PEBP4: variants seen among roughly 807,000 people sequenced by gnomAD.
The protein encoded by PEBP4 is phosphatidylethanolamine-binding protein 4.
A neutral mutation model predicts 23.9 loss-of-function variants in PEBP4; 22 were observed. That is an observed-to-expected ratio of 0.92 (90% confidence interval 0.66 to 1.31). The LOEUF (loss-of-function observed/expected upper bound fraction) is 1.31, where lower values mean the gene tolerates loss of function less well. Ranked by LOEUF, PEBP4 falls within the 40% of genes most tolerant of loss-of-function variation. PEBP4 has a pLI of 0.00. For missense variants in PEBP4, 324 were observed against 281.7 expected (o/e 1.15, Z -1.07); for synonymous variants, 112 against 99.3 (o/e 1.13, Z -0.76).
intron 4 of PEBP4, among the ~76,000 whole-genome samples, chr8:22,783,069 C>A (rs1402074589): frequency 6.6e-6 from 1 of 152,224 alleles, no homozygotes; most frequent in African/African-American, 2.4e-5. Context: ...AAGCTGCACA[C>A]CTGGCTGGGT....
At chr8:22,817,540 C>A in intron 4 of PEBP4, 97 bp downstream of exon 4, 1 of 1,194,298 alleles carries the variant, frequency 8.4e-7, no homozygotes, top group Non-Finnish European at 1.2e-6. Context: ...GAAGTCCTCG[C>A]TCCAACCTTC....
At chr8:22,934,165 T>C (rs1203309511) in intron 1 of PEBP4, among the ~76,000 whole-genome samples, 11 of 152,286 alleles carry the variant, frequency 7.2e-5, no homozygotes, top group East Asian at 1.9e-4. Context: ...ACCTCCAATA[T>C]TGGGGATCAA....
At chr8:22,818,428 A>C (rs2128762000) in intron 3 of PEBP4, among the ~76,000 whole-genome samples, 1 of 152,300 alleles carries the variant, frequency 6.6e-6, no homozygotes, top group Middle Eastern at 3.4e-3. Context: ...AGCTGCTATG[A>C]AGGTCTTCAG....
At chr8:22,778,429 G>T (rs959881755) in intron 4 of PEBP4, among the ~76,000 whole-genome samples, 12 of 149,636 alleles carry the variant, frequency 8.0e-5, no homozygotes, top group Non-Finnish European at 1.3e-4. Flanking sequence ...TTGTTGCCCC[G>T]GCTGGAGTGC....
In PEBP4 at chr8:22,926,266, G is replaced by A. The variant is rs971095233; in HGVS notation, c.131+1318C>T. On this transcript the variant is annotated intron_variant, in intron 2 of 6. Coordinates refer to ENST00000256404, the MANE Select transcript of PEBP4 (RefSeq NM_144962.3). ...CTTGGGATTACAGGTGTGAGCCACC[G>A]TGCCCAGCCTACACCCAGAACTATT... is the stretch of plus-strand genomic sequence containing the variant. Among the ~76,000 whole-genome samples, 4 of 151,648 alleles carry A rather than the reference G, an allele frequency of 2.6e-5. No individual in the cohort carries two copies. In the East Asian group the frequency reaches 5.8e-4, roughly 22 times the overall value.
intron 4 of PEBP4, among the ~76,000 whole-genome samples, chr8:22,783,112 G>A (rs147790753): frequency 0.012 from 1,901 of 152,352 alleles, 39 homozygotes; most frequent in African/African-American, 0.042. Flanking sequence ...GGGTACATGG[G>A]CCAGGTCTTG....
intron 3 of PEBP4, among the ~76,000 whole-genome samples, chr8:22,911,624 A>G (rs1280554585): frequency 3.3e-5 from 5 of 152,238 alleles, no homozygotes; most frequent in African/African-American, 1.2e-4. Flanking sequence ...AAGTCCCTGT[A>G]GCATTCAAAA....
At chr8:22,927,753 C>T (rs1809380213) in intron 1 of PEBP4, 33 bp from the exon 2 acceptor site, 1 of 1,612,174 alleles carries the variant, frequency 6.2e-7, no homozygotes, top group Non-Finnish European at 8.5e-7. Flanking sequence ...GCGGCTGGAT[C>T]CCCTGCAGGG....
At chr8:22,731,713 C>T (rs1271367327) in intron 4 of PEBP4, among the ~76,000 whole-genome samples, 1 of 151,884 alleles carries the variant, frequency 6.6e-6, no homozygotes, top group Non-Finnish European at 1.5e-5. Context: ...GGCTGGAGTG[C>T]AGTGGCACGA....
At chr8:22,779,493 C>T (rs895107041) in intron 4 of PEBP4, among the ~76,000 whole-genome samples, 2 of 151,958 alleles carry the variant, frequency 1.3e-5, no homozygotes, top group African/African-American at 4.8e-5. Flanking sequence ...GCATCTGGGT[C>T]CCAGGTCACA....
intron 4 of PEBP4, among the ~76,000 whole-genome samples, chr8:22,759,604 C>G (rs1295198589): frequency 4.6e-5 from 7 of 152,132 alleles, no homozygotes; most frequent in Non-Finnish European, 1.0e-4. Flanking sequence ...TGTGCCCCAC[C>G]ACCTCCCCGG....
chr8:22,847,140 A>G (rs949430031), intron 3 of PEBP4, among the ~76,000 whole-genome samples: 4 of 152,340 alleles, frequency 2.6e-5, no homozygotes, highest in Admixed American at 2.6e-4. Context: ...TTCCTTGACT[A>G]TGCAGAAGGT....
intron 5 of PEBP4, among the ~76,000 whole-genome samples, chr8:22,726,937 G>A (rs1160909111): frequency 1.3e-5 from 2 of 152,230 alleles, no homozygotes; most frequent in Non-Finnish European, 2.9e-5. Flanking sequence ...GAAGCTGGCT[G>A]CATTCTTTAC....
intron 3 of PEBP4, among the ~76,000 whole-genome samples, chr8:22,915,483 C>A (rs1424648929): frequency 6.6e-6 from 1 of 151,686 alleles, no homozygotes; most frequent in African/African-American, 2.4e-5. Flanking sequence ...CACCCTGTGT[C>A]CCCATGCTTG....
chr8:22,876,486 A>G (rs944328532), intron 3 of PEBP4, among the ~76,000 whole-genome samples: 3 of 152,168 alleles, frequency 2.0e-5, no homozygotes, highest in Admixed American at 2.0e-4. Context: ...GCCTCATTCC[A>G]GGAGAGGGTT....
chr8:22,899,507 G>T (rs1036344276), intron 3 of PEBP4, among the ~76,000 whole-genome samples: 8 of 152,246 alleles, frequency 5.3e-5, no homozygotes, highest in Non-Finnish European at 1.5e-5. Context: ...TTAGCATGCT[G>T]TTCTGGGAGG....
intron 4 of PEBP4, among the ~76,000 whole-genome samples, chr8:22,751,152 A>G (rs769016268): frequency 5.3e-5 from 8 of 152,208 alleles, no homozygotes; most frequent in Non-Finnish European, 1.0e-4. Context: ...TCCGTGCTGC[A>G]GGAGCTCCAA....
At chr8:22,731,827 T>TA (rs1804744074) in intron 4 of PEBP4, among the ~76,000 whole-genome samples, 1 of 87,094 alleles carries the variant, frequency 1.1e-5, no homozygotes, top group Admixed American at 1.2e-4. Context: ...CCCGGCTAAT[T>TA]TTTTTTTTTT....
rs1169727595 is a variant in PEBP4, at chr8:22,865,490, G to GGCC, written c.259-47758_259-47756dup. Among the ~76,000 whole-genome samples, 1 of 151,680 alleles carries GGCC rather than the reference G, an allele frequency of 6.6e-6. No individual in the cohort carries two copies. The highest frequency in any genetic ancestry group is 1.5e-5 in the Non-Finnish European group (1 of 67,896). On this transcript the variant is annotated intron_variant, in intron 3 of 6. Transcript: ENST00000256404. This position sits in a 1 kb window ranked among gnomAD's most constrained non-coding sequence, Gnocchi z 6.9. ...AGGTGGAGCGCGCCACCGCCCCCCC[G>GGCC]GCCGCGCAGCGAGAAGGAGCCTCGG...
Sources: gnomAD v4.1 joint callset for allele counts (sites outside exome capture counted in the v4.1 genomes callset) on GRCh38, gnomAD v4.1.1 for gene constraint, Gnocchi (gnomAD v3.1) non-coding constraint, MANE v1.5 for transcripts, NCBI Gene and HGNC (gene_info 2026-07-23, HGNC 2026-07-21) for gene names.